Variants in PTPRT observed in about 807,000 individuals in gnomAD.
PTPRT encodes receptor-type tyrosine-protein phosphatase T.
In PTPRT, 56 loss-of-function variants were observed where a neutral mutation model predicts 176.8. That is an observed-to-expected ratio of 0.32 (90% CI 0.26 to 0.40). The LOEUF is 0.40. Among genes scored for constraint, PTPRT ranks in the 10% least tolerant of loss-of-function variants. The pLI, the probability that PTPRT is intolerant of heterozygous loss-of-function variation, is 1.00. For missense variants in PTPRT, 1,540 were observed against 1,908.2 expected (o/e 0.81, Z 3.60); for synonymous variants, 783 against 739.0 (o/e 1.06, Z -0.96).
In PTPRT at chr20:42,074,565, G is replaced by C; in HGVS notation, c.*6314C>G. On this transcript the variant is annotated 3_prime_UTR_variant, in exon 31 of 31. Coordinates refer to ENST00000373187, the MANE Select transcript of PTPRT (RefSeq NM_007050.6). ...CAGATATAGAAGGAAGCCCCATAAT[G>C]ATCAAGCCCCTAAAACTCTTCCCAA... is the stretch of plus-strand genomic sequence containing the variant. 2.6e-6 allele frequency: 1 copy of C among 387,650 alleles called. No homozygotes were observed. Among genetic ancestry groups the C allele is most frequent in the African/African-American group, 2.1e-5 (1 of 48,504 alleles). The allele number at this position is 387,650 out of a possible 1,614,324, so 24.0% of individuals were successfully genotyped here. A position where few individuals can be genotyped will look rare whatever the true frequency, so the allele number is the denominator to read the frequency against.
chr20:42,056,258 AT>A, the PTPRT span, among the ~76,000 whole-genome samples: 1 of 152,236 alleles, frequency 6.6e-6, no homozygotes, highest in Admixed American at 6.5e-5. Context: ...TATAATTTCT[AT>A]TCAAATAGCC....
chr20:42,068,371 C>T (rs540885500), downstream of PTPRT, among the ~76,000 whole-genome samples: 1 of 152,292 alleles, frequency 6.6e-6, no homozygotes, highest in Admixed American at 6.5e-5. Flanking sequence ...ACACAAGAGG[C>T]ATCTGTTTTA....
At chr20:42,578,102 G>A (rs1288954094) in intron 7 of PTPRT, among the ~76,000 whole-genome samples, 1 of 152,044 alleles carries the variant, frequency 6.6e-6, no homozygotes, top group Non-Finnish European at 1.5e-5. Context: ...ATGGTTGATT[G>A]TGTCAACTCT....
At chr20:42,667,736 G>C (rs1343302753) in intron 7 of PTPRT, among the ~76,000 whole-genome samples, 1 of 152,166 alleles carries the variant, frequency 6.6e-6, no homozygotes, top group Non-Finnish European at 1.5e-5. Context: ...AGATCTGGTA[G>C]AAAGAAAAGT....
intron 3 of PTPRT, among the ~76,000 whole-genome samples, chr20:42,790,448 T>A (rs956342223): frequency 6.6e-6 from 1 of 151,956 alleles, no homozygotes; most frequent in Non-Finnish European, 1.5e-5. Context: ...TGCTCCACAA[T>A]GAGTTGAGAG....
intron 1 of PTPRT, among the ~76,000 whole-genome samples, chr20:42,960,000 G>GC (rs1247158916): frequency 2.0e-5 from 3 of 151,984 alleles, no homozygotes; most frequent in Non-Finnish European, 4.4e-5. Context: ...CCAAGGGCTG[G>GC]CCCCCTTTTC....
chr20:42,536,149 G>A (rs1015378033), intron 7 of PTPRT, among the ~76,000 whole-genome samples: 2 of 152,062 alleles, frequency 1.3e-5, no homozygotes, highest in Admixed American at 6.6e-5. Flanking sequence ...TCCCTGCCCC[G>A]GCAGAGCTCT....
chr20:43,046,300 G>A (rs772611993), intron 1 of PTPRT, among the ~76,000 whole-genome samples: 2 of 152,064 alleles, frequency 1.3e-5, no homozygotes, highest in African/African-American at 2.4e-5. Context: ...GGCCAGGCGC[G>A]GTGGCTCGCA....
chr20:42,898,998 C>A (rs756734921), intron 1 of PTPRT, among the ~76,000 whole-genome samples: 1 of 152,160 alleles, frequency 6.6e-6, no homozygotes, highest in African/African-American at 2.4e-5. Flanking sequence ...TTCCCAAAAA[C>A]AGCATGGGAG....
rs142231232 is a variant in PTPRT, at chr20:42,869,852, G to T, written c.214+15955C>A. The stretch of plus-strand genomic sequence containing the variant: ...TAAAGTGACAGTATTACGAGTTGGG[G>T]CCTTTAGAAGATGATTAAGTAATGC... On this transcript the variant is annotated intron_variant, in intron 2 of 30. Coordinates refer to ENST00000373187, the MANE Select transcript of PTPRT (RefSeq NM_007050.6). Among the ~76,000 whole-genome samples, 729 of 152,308 alleles carry T rather than the reference G, an allele frequency of 4.8e-3. 9 individuals are homozygous for T. Among genetic ancestry groups the T allele is most frequent in the African/African-American group, 0.017 (707 of 41,558 alleles).
chr20:42,972,039 G>T (rs1360432699), intron 1 of PTPRT, among the ~76,000 whole-genome samples: 2 of 151,406 alleles, frequency 1.3e-5, no homozygotes, highest in South Asian at 2.1e-4. Flanking sequence ...ACCTGACGTG[G>T]TTATATGACA....
At chr20:42,576,438 G>A (rs1166658878) in intron 7 of PTPRT, among the ~76,000 whole-genome samples, 4 of 152,168 alleles carry the variant, frequency 2.6e-5, no homozygotes, top group Admixed American at 1.3e-4. Flanking sequence ...GCTGACTGAC[G>A]GGATGCATCG....
intron 12 of PTPRT, among the ~76,000 whole-genome samples, chr20:42,307,718 G>A (rs1715941307): frequency 6.6e-6 from 1 of 152,168 alleles, no homozygotes; most frequent in African/African-American, 2.4e-5. Flanking sequence ...AACTGTCAGA[G>A]ACCTTTGAAC....
chr20:42,729,664 G>T lies in PTPRT; in HGVS notation c.859+26798C>A, dbSNP rs529119691. On this transcript the variant is annotated intron_variant, in intron 6 of 30. Coordinates refer to ENST00000373187, the MANE Select transcript of PTPRT (RefSeq NM_007050.6). ...CAGAGGAAAGGAGTGATCCAGGAAT[G>T]AATGCAGCTTGGTCCCTGGCTGTGA... is the stretch of plus-strand genomic sequence containing the variant. Among the ~76,000 whole-genome samples the T allele has an allele frequency of 2.6e-4, 40 of 152,336 alleles. 1 individual carries two copies. The highest frequency in any genetic ancestry group is 2.4e-3 in the Admixed American group (37 of 15,310).
chr20:42,597,802 A>G (rs1294782893), intron 7 of PTPRT, among the ~76,000 whole-genome samples: 1 of 152,208 alleles, frequency 6.6e-6, no homozygotes, highest in Non-Finnish European at 1.5e-5. Flanking sequence ...AGAGTAATGC[A>G]TATGGGTTAG....
At position 42,209,566 on chromosome 20, in the gene PTPRT, T is replaced by A. The variant is rs991909966; in HGVS notation, c.2343-10178A>T. On this transcript the variant is annotated intron_variant, in intron 15 of 30. Transcript: ENST00000373187. ...ATCTAGAAGAAATGGATAAATTCCT[T>A]GACACATACACTCTCCCAAGACTAA... Among the ~76,000 whole-genome samples the A allele has an allele frequency of 2.0e-5, 3 of 152,110 alleles. No individual in the cohort carries two copies. The South Asian group carries it at 6.2e-4, about 32-fold the overall frequency.
the PTPRT span, among the ~76,000 whole-genome samples, chr20:42,060,387 T>G: frequency 6.6e-6 from 1 of 152,202 alleles, no homozygotes; most frequent in Non-Finnish European, 1.5e-5. Flanking sequence ...AAAGGATTAA[T>G]GCTTGCCTTG....
chr20:42,073,787 G>A lies in PTPRT; in HGVS notation c.*7092C>T, dbSNP rs571589350. On this transcript the variant is annotated 3_prime_UTR_variant, in exon 31 of 31. Transcript: ENST00000373187. ...GACCAAACACAATCTACTTGGATTCGTGCTCTACAGGTATGAATGAGTTCA... is the reference window on the plus strand; with the variant it reads ...GACCAAACACAATCTACTTGGATTCATGCTCTACAGGTATGAATGAGTTCA... The A allele has an allele frequency of 6.7e-5, 15 of 223,214 alleles. No individual in the cohort carries two copies. The highest frequency in any genetic ancestry group is 1.9e-4 in the East Asian group (3 of 15,454). The allele number at this position is 223,214 out of a possible 1,614,324, so 13.8% of individuals were successfully genotyped here.
At chr20:42,173,508 A>G (rs911748604) in intron 16 of PTPRT, among the ~76,000 whole-genome samples, 17 of 152,198 alleles carry the variant, frequency 1.1e-4, no homozygotes, top group Non-Finnish European at 2.2e-4. Flanking sequence ...TTTTGTCAAA[A>G]TTCTATCAAA....
Sources: gnomAD v4.1 joint callset for allele counts (sites outside exome capture counted in the v4.1 genomes callset) on GRCh38, gnomAD v4.1.1 for gene constraint, MANE v1.5 for transcripts, NCBI Gene and HGNC (gene_info 2026-07-23, HGNC 2026-07-21) for gene names.